ASXL2: variants seen among roughly 807,000 people sequenced by gnomAD.
ASXL2 encodes the protein putative Polycomb group protein ASXL2.
A neutral mutation model predicts 122.0 loss-of-function variants in ASXL2; 23 were observed. The observed-to-expected ratio is 0.19, with a 90% confidence interval of 0.14 to 0.27. ASXL2 has a LOEUF of 0.27. ASXL2 is among the 10% of genes least tolerant of loss of function. The probability of loss-of-function intolerance (pLI) is 1.00; values close to 1 mark genes in which losing one functional copy is unlikely to be tolerated. For synonymous variants in ASXL2, 650 were observed against 637.0 expected, an observed-to-expected ratio of 1.02 and a Z score of -0.31; for missense variants, 1,518 against 1,713.8, an observed-to-expected ratio of 0.89 and a Z score of 2.02.
rs771254327 is a variant in ASXL2 at position 25,878,253 on chromosome 2, G to C, written c.-31C>G. 1.3e-5 allele frequency: 21 copies of C among 1,612,294 alleles called. No homozygotes were observed. The highest frequency in any genetic ancestry group is 1.7e-5 in the Admixed American group (1 of 59,952). ...GTCTTGAACTGACTGGGAGGCTCCC[G>C]TGTCCGGGCTCCGGCCGCCCTCCCT... On this transcript the variant is annotated 5_prime_UTR_variant, in exon 1 of 13. Transcript: ENST00000435504.
chr2:25,818,528 T>C (rs2089268199), intron 3 of ASXL2, among the ~76,000 whole-genome samples: 1 of 152,052 alleles, frequency 6.6e-6, no homozygotes, highest in Non-Finnish European at 1.5e-5. Flanking sequence ...GAGAAACCCA[T>C]GCTAAAGACT....
In ASXL2 at chr2:25,734,599, C is replaced by T. The variant is rs2149131742; in HGVS notation, c.*7430G>A. On this transcript the variant is annotated 3_prime_UTR_variant, in exon 13 of 13. Transcript: ENST00000435504. ...TCAGATATTTTGGTAACATTTAATGCACTGCTTTCTAATTGGGCTAATTTG... is the reference window on the plus strand; with the variant it reads ...TCAGATATTTTGGTAACATTTAATGTACTGCTTTCTAATTGGGCTAATTTG... The T allele has an allele frequency of 6.6e-6, 1 of 152,260 alleles. No homozygotes were observed. The highest frequency in any genetic ancestry group is 1.9e-4 in the East Asian group (1 of 5,190). 9.4% of individuals were successfully genotyped at this position (152,260 alleles called of 1,614,324 possible).
chr2:25,865,774 C>CA lies in ASXL2; in HGVS notation c.57+12391dup, dbSNP rs61021417. On this transcript the variant is annotated intron_variant, in intron 1 of 12. Coordinates refer to ENST00000435504, the MANE Select transcript of ASXL2 (RefSeq NM_018263.6). ...TGGGTGACAGAGCAAGACTCCGTCT[C>CA]AAAAAAAAAAAAAAAAAAAAAAAAA... Among the ~76,000 whole-genome samples the CA allele has an allele frequency of 4.6e-3, 256 of 55,548 alleles. 12 individuals are homozygous for CA. The highest frequency in any genetic ancestry group is 0.025 in the East Asian group (23 of 912). The allele number at this position is 55,548 out of a possible 152,430, so 36.4% of individuals were successfully genotyped here. A position where few individuals can be genotyped will look rare whatever the true frequency, so the allele number is the denominator to read the frequency against.
intron 1 of ASXL2, among the ~76,000 whole-genome samples, chr2:25,846,233 G>GT (rs1046533171): frequency 6.6e-6 from 1 of 152,206 alleles, no homozygotes; most frequent in South Asian, 2.1e-4. Flanking sequence ...AATTATCTGG[G>GT]TTTTTCCCCC....
At chr2:25,850,830 C>T (rs1482021137) in intron 1 of ASXL2, among the ~76,000 whole-genome samples, 1 of 152,072 alleles carries the variant, frequency 6.6e-6, no homozygotes. Flanking sequence ...TATTTGGTTA[C>T]CCGAGGTACA....
chr2:25,874,966 C>G (rs937018033), intron 1 of ASXL2, among the ~76,000 whole-genome samples: 1 of 151,850 alleles, frequency 6.6e-6, no homozygotes, highest in South Asian at 2.1e-4. Context: ...ACCTGCACTC[C>G]CAGCTACTCA....
At chr2:25,821,101 C>T (rs1008462508) in intron 3 of ASXL2, among the ~76,000 whole-genome samples, 2 of 152,152 alleles carry the variant, frequency 1.3e-5, no homozygotes, top group African/African-American at 4.8e-5. Context: ...ACAGCTTGAA[C>T]CCGGGAGATG....
At chr2:25,875,675 T>C (rs1382513124) in intron 1 of ASXL2, among the ~76,000 whole-genome samples, 2 of 152,152 alleles carry the variant, frequency 1.3e-5, no homozygotes, top group Non-Finnish European at 2.9e-5. Context: ...CTTATTTTAA[T>C]AGTACTCTCT....
In ASXL2 at chr2:25,810,616, A is replaced by C. The variant is rs1313913345; in HGVS notation, c.144-4279T>G. On this transcript the variant is annotated intron_variant, in intron 3 of 12. Coordinates refer to ENST00000435504, the MANE Select transcript of ASXL2 (RefSeq NM_018263.6). ...ATCTGCCTGCTGCTGCAGAACCTGG[A>C]TATTGTGCTTCACTGCCTCAATAGT... 25 of 786,224 alleles carry C rather than the reference A, an allele frequency of 3.2e-5. No homozygotes were observed. The East Asian group carries it at 6.6e-4, about 21-fold the overall frequency. 48.7% of individuals were successfully genotyped at this position (786,224 alleles called of 1,614,324 possible). A position where few individuals can be genotyped will look rare whatever the true frequency, so the allele number is the denominator to read the frequency against.
At chr2:25,796,023 T>G (rs552836168) in intron 5 of ASXL2, among the ~76,000 whole-genome samples, 1 of 152,272 alleles carries the variant, frequency 6.6e-6, no homozygotes, top group East Asian at 1.9e-4. Flanking sequence ...GAGGTCTGGG[T>G]AGCTCTCTAA....
At chr2:25,752,206 G>A (rs2088057872) in intron 11 of ASXL2, among the ~76,000 whole-genome samples, 1 of 152,198 alleles carries the variant, frequency 6.6e-6, no homozygotes, top group South Asian at 2.1e-4. Flanking sequence ...CTTAAGGGCT[G>A]CCATTGGTGT....
At position 25,844,836 on chromosome 2, in the gene ASXL2, T is replaced by A. The variant is rs572512228; in HGVS notation, c.140+645A>T. Among the ~76,000 whole-genome samples the A allele has an allele frequency of 1.6e-4, 24 of 152,102 alleles. No homozygotes were observed. In the East Asian group the frequency reaches 4.7e-3, roughly 30 times the overall value. ...ATTTTTCGTAGAGATGAGGTTTCAC[T>A]ATGTTGGCCAGGCTGGTCTCAAACT... On this transcript the variant is annotated intron_variant, in intron 2 of 12. Transcript: ENST00000435504.
At chr2:25,869,680 G>A (rs1187505585) in intron 1 of ASXL2, among the ~76,000 whole-genome samples, 1 of 152,082 alleles carries the variant, frequency 6.6e-6, no homozygotes, top group Non-Finnish European at 1.5e-5. Flanking sequence ...AGCAAGGCAT[G>A]GTGGCGTGCG....
intron 11 of ASXL2, among the ~76,000 whole-genome samples, chr2:25,753,264 A>G (rs2088077443): frequency 6.6e-6 from 1 of 151,880 alleles, no homozygotes; most frequent in African/African-American, 2.4e-5. Flanking sequence ...GCGCCCAGCT[A>G]AAAAATTTGT....
In ASXL2 at chr2:25,810,503, A is replaced by C. The variant is rs956452692; in HGVS notation, c.144-4166T>G. On this transcript the variant is annotated intron_variant, in intron 3 of 12. Coordinates refer to ENST00000435504, the MANE Select transcript of ASXL2 (RefSeq NM_018263.6). ...TCAACCAGCTGGATCCTATGGTTCAAGGAGGCCACCTCAGCCTCAGCCTGT... is the reference window on the plus strand; with the variant it reads ...TCAACCAGCTGGATCCTATGGTTCACGGAGGCCACCTCAGCCTCAGCCTGT... The C allele has an allele frequency of 8.1e-6, 6 of 745,278 alleles. No individual in the cohort carries two copies. The East Asian group carries it at 1.0e-4, about 13-fold the overall frequency. 46.2% of individuals were successfully genotyped at this position (745,278 alleles called of 1,614,324 possible). A position where few individuals can be genotyped will look rare whatever the true frequency, so the allele number is the denominator to read the frequency against.
In ASXL2 at chr2:25,845,537, G is replaced by A; in HGVS notation, c.84C>T (p.Pro28=). The A allele has an allele frequency of 3.4e-6, 5 of 1,454,322 alleles. No individual in the cohort carries two copies. Among genetic ancestry groups the A allele is most frequent in the East Asian group, 2.6e-5 (1 of 38,938 alleles). 90.1% of individuals were successfully genotyped at this position (1,454,322 alleles called of 1,614,324 possible). A position where few individuals can be genotyped will look rare whatever the true frequency, so the allele number is the denominator to read the frequency against. Residue 28 remains proline, a synonymous_variant, in exon 2 of 13, where the codon CCC becomes CCT. Coordinates refer to ENST00000435504, the MANE Select transcript of ASXL2 (RefSeq NM_018263.6). ...CTTGAAGAATTTCTTTATGACTCAT[G>A]GGTGTATTGGGGTATTTTTCTAAGA... is the stretch of plus-strand genomic sequence containing the variant. ...KTVLEKYPNT[P]MSHKEILQVI...
chr2:25,795,782 A>T (rs1342059885), intron 5 of ASXL2, among the ~76,000 whole-genome samples: 1 of 152,160 alleles, frequency 6.6e-6, no homozygotes. Context: ...AAGCGAAAAA[A>T]TTAAAATAAA....
At chr2:25,772,650 G>C (rs1426368229) in intron 5 of ASXL2, among the ~76,000 whole-genome samples, 2 of 139,830 alleles carry the variant, frequency 1.4e-5, no homozygotes, top group South Asian at 2.4e-4. Context: ...AGAATCGCTT[G>C]AACCTGGGAG....
At chr2:25,793,426 G>C (rs905918092) in intron 5 of ASXL2, among the ~76,000 whole-genome samples, 1 of 151,956 alleles carries the variant, frequency 6.6e-6, no homozygotes, top group South Asian at 2.1e-4. Context: ...TTATAATGTC[G>C]AACAAGGTCA....
Sources: allele counts gnomAD v4.1 joint callset (sites outside exome capture counted in the v4.1 genomes callset), GRCh38; gene constraint gnomAD v4.1.1; transcripts MANE v1.5; gene names NCBI Gene and HGNC (gene_info 2026-07-23, HGNC 2026-07-21).